The following RNF138 variants were observed in gnomAD, a reference collection of about 807,000 sequenced individuals.
The protein encoded by RNF138 is ring finger protein 138.
A neutral mutation model predicts 31.0 loss-of-function variants in RNF138; 12 were observed. That is an observed-to-expected ratio of 0.39 (90% confidence interval 0.25 to 0.63). RNF138 has a LOEUF of 0.63. RNF138 is among the 20% of genes least tolerant of loss of function. RNF138 has a pLI of 0.52. For synonymous variants in RNF138, 105 were observed against 99.5 expected, an observed-to-expected ratio of 1.06 and a Z score of -0.33; for missense variants, 192 against 300.1, an observed-to-expected ratio of 0.64 and a Z score of 2.66.
At chr18:32,112,663 CAA>C (rs201799229) in intron 3 of RNF138, among the ~76,000 whole-genome samples, 2,323 of 152,216 alleles carry the variant, frequency 0.015, 62 homozygotes, top group African/African-American at 0.053. Context: ...AACTGGGCAA[CAA>C]GAGCGAAACG....
At chr18:32,123,384 GA>G in intron 4 of RNF138, 133 bp from the exon 5 acceptor site, 2 of 521,348 alleles carry the variant, frequency 3.8e-6, no homozygotes, top group Admixed American at 3.5e-5. Context: ...GACCCAATAG[GA>G]AAAAGGTGTA....
intron 4 of RNF138, 86 bp downstream of exon 4, chr18:32,113,946 GA>G: frequency 1.4e-6 from 1 of 704,286 alleles, no homozygotes; most frequent in Non-Finnish European, 2.4e-6. Context: ...TATTTGGGGG[GA>G]TGTGTGTGTG....
chr18:32,105,438 A>G (rs1386158364), intron 2 of RNF138, among the ~76,000 whole-genome samples: 2 of 152,244 alleles, frequency 1.3e-5, no homozygotes, highest in South Asian at 4.1e-4. Flanking sequence ...AGAATATACT[A>G]CAGAGTCCAG....
chr18:32,102,674 C>T (rs1432221608), intron 2 of RNF138, among the ~76,000 whole-genome samples: 1 of 151,672 alleles, frequency 6.6e-6, no homozygotes, highest in Non-Finnish European at 1.5e-5. Context: ...CTTCCGTTGC[C>T]CAGGCTGGAG....
chr18:32,094,200 T>A (rs1350022273), intron 2 of RNF138, among the ~76,000 whole-genome samples: 1 of 126,924 alleles, frequency 7.9e-6, no homozygotes, highest in African/African-American at 2.5e-5. Context: ...CTCCTTCGAC[T>A]TTTTTTTCTT....
chr18:32,124,296 A>C (rs17742539), intron 5 of RNF138: 5,595 of 154,058 alleles, frequency 0.036, 216 homozygotes, highest in East Asian at 0.24. Context: ...TATTTATTAG[A>C]GATACGATAT....
intron 2 of RNF138, among the ~76,000 whole-genome samples, chr18:32,102,949 A>C (rs1368825262): frequency 1.3e-5 from 2 of 152,172 alleles, no homozygotes; most frequent in African/African-American, 2.4e-5. Context: ...ATTTTCTAAC[A>C]AAATAGTTTT....
chr18:32,123,480 A>C, intron 4 of RNF138, 38 bp from the exon 5 acceptor site: 1 of 1,319,346 alleles, frequency 7.6e-7, no homozygotes. Flanking sequence ...TGTTTTCATT[A>C]CTTTGAGGTA....
intron 4 of RNF138, among the ~76,000 whole-genome samples, chr18:32,122,029 C>T (rs188530647): frequency 2.2e-3 from 342 of 152,168 alleles, no homozygotes; most frequent in African/African-American, 7.6e-3. Context: ...TCACCACACC[C>T]GGCTAATTTT....
At chr18:32,107,949 G>A (rs2040063987) in intron 2 of RNF138, among the ~76,000 whole-genome samples, 1 of 152,102 alleles carries the variant, frequency 6.6e-6, no homozygotes, top group South Asian at 2.1e-4. Context: ...CCACCTCCCA[G>A]GTACGAGTGA....
chr18:32,123,378 CA>C, intron 4 of RNF138, 139 bp from the exon 5 acceptor site: 1 of 491,054 alleles, frequency 2.0e-6, no homozygotes, highest in Non-Finnish European at 3.5e-6. Context: ...TTCAAGGACC[CA>C]ATAGGAAAAA....
intron 3 of RNF138, among the ~76,000 whole-genome samples, chr18:32,112,468 C>G (rs2040147854): frequency 6.6e-6 from 1 of 152,118 alleles, no homozygotes; most frequent in African/African-American, 2.4e-5. Context: ...GGTGGATGAC[C>G]TGAGGTCAGG....
At chr18:32,106,671 C>T (rs1450213667) in intron 2 of RNF138, among the ~76,000 whole-genome samples, 1 of 151,524 alleles carries the variant, frequency 6.6e-6, no homozygotes, top group Non-Finnish European at 1.5e-5. Context: ...TTCACGCCAT[C>T]CTCCTGCCTC....
At chr18:32,104,731 A>C (rs1321760658) in intron 2 of RNF138, among the ~76,000 whole-genome samples, 2 of 152,216 alleles carry the variant, frequency 1.3e-5, no homozygotes, top group Admixed American at 6.5e-5. Context: ...CTTCTTAAAG[A>C]AAATTACAAA....
chr18:32,092,806 C>T lies in RNF138; in HGVS notation c.30C>T (p.Ser10=), dbSNP rs1344456738. 6.3e-7 allele frequency: 1 copy of T among 1,596,802 alleles called. No homozygotes were observed. ...CCGAGGACCTCTCTGCGGCCACGTC[C>T]TACACCGAAGATGATTTCTACTGCC... The part of the protein sequence containing the change: MAEDLSAAT[S]YTEDDFYCPV... Residue 10 remains serine (S), a synonymous_variant, in exon 2 of 8, where the codon TCC becomes TCT. Transcript: ENST00000261593.
At chr18:32,128,074 C>T (rs539954112) in intron 7 of RNF138, among the ~76,000 whole-genome samples, 2 of 113,706 alleles carry the variant, frequency 1.8e-5, no homozygotes, top group South Asian at 2.9e-4. Flanking sequence ...TGCGAGACTC[C>T]GTCTCAAAAA....
intron 6 of RNF138, among the ~76,000 whole-genome samples, chr18:32,125,913 A>C (rs1297050324): frequency 2.0e-5 from 3 of 152,232 alleles, no homozygotes; most frequent in Non-Finnish European, 4.4e-5. Flanking sequence ...ACAGTGCCAA[A>C]GATGTTCCAG....
chr18:32,112,584 C>G (rs1347316023), intron 3 of RNF138, among the ~76,000 whole-genome samples: 3 of 152,156 alleles, frequency 2.0e-5, no homozygotes, highest in African/African-American at 7.2e-5. Context: ...ACTTGGGAGG[C>G]TGAGGCAGAA....
At chr18:32,111,005 C>T (rs1201318461) in intron 2 of RNF138, among the ~76,000 whole-genome samples, 1 of 152,204 alleles carries the variant, frequency 6.6e-6, no homozygotes, top group Non-Finnish European at 1.5e-5. Context: ...TGGTCTTGAT[C>T]TCCTGACCAC....
Sources: gnomAD v4.1 joint callset for allele counts (sites outside exome capture counted in the v4.1 genomes callset) on GRCh38, gnomAD v4.1.1 for gene constraint, MANE v1.5 for transcripts, NCBI Gene and HGNC (gene_info 2026-07-23, HGNC 2026-07-21) for gene names.